PTPN14: variants seen among roughly 807,000 people sequenced by gnomAD.
PTPN14 encodes tyrosine-protein phosphatase non-receptor type 14.
In PTPN14, 53 loss-of-function variants were observed where a neutral mutation model predicts 126.8. The ratio of observed to expected loss-of-function variants is 0.42; its 90% CI spans 0.34 to 0.53. The LOEUF (loss-of-function observed/expected upper bound fraction) is 0.53. Ranked by LOEUF, PTPN14 falls within the 20% of genes least tolerant of loss-of-function variation. The pLI, the probability that PTPN14 is intolerant of heterozygous loss-of-function variation, is 0.08. For synonymous variants in PTPN14, 630 were observed against 599.3 expected, an observed-to-expected ratio of 1.05 and a Z score of -0.75; for missense variants, 1,257 against 1,552.9, an observed-to-expected ratio of 0.81 and a Z score of 3.20.
intron 2 of PTPN14, among the ~76,000 whole-genome samples, chr1:214,463,706 G>C (rs1660564125): frequency 6.6e-6 from 1 of 152,144 alleles, no homozygotes; most frequent in African/African-American, 2.4e-5. Flanking sequence ...GAGGTCCTGG[G>C]CAATGCTGTC....
intron 3 of PTPN14, among the ~76,000 whole-genome samples, chr1:214,439,568 C>T (rs1659992759): frequency 6.6e-6 from 1 of 152,192 alleles, no homozygotes; most frequent in South Asian, 2.1e-4. Flanking sequence ...TACTCACTCT[C>T]CCCAGCTGCA....
At chr1:214,457,646 G>A (rs1413819230) in intron 2 of PTPN14, among the ~76,000 whole-genome samples, 6 of 152,180 alleles carry the variant, frequency 3.9e-5, no homozygotes, top group East Asian at 3.8e-4. Flanking sequence ...GAAATCAAAT[G>A]TGAGTTACAT....
At chr1:214,436,902 T>C (rs568001813) in intron 3 of PTPN14, among the ~76,000 whole-genome samples, 1 of 152,022 alleles carries the variant, frequency 6.6e-6, no homozygotes, top group South Asian at 2.1e-4. Context: ...GGTGTGCTTG[T>C]ATGCATGCAA....
In PTPN14 at chr1:214,378,112, AG is replaced by A. The variant is rs1658387499; in HGVS notation, c.2545-11del. Reference sequence around the variant, plus strand: ...TCTGCTTCTCTAGATTCTTGCGGCAAGAAAAGGCATGTGCTCATTGTTTATA... The same window carrying A: ...TCTGCTTCTCTAGATTCTTGCGGCAAAAAAGGCATGTGCTCATTGTTTATA... On this transcript the variant is annotated splice_polypyrimidine_tract_variant and intron_variant, in intron 13 of 18. Transcript: ENST00000366956. 6.2e-7 allele frequency: 1 copy of A among 1,606,224 alleles called. No homozygotes were observed. Among genetic ancestry groups the A allele is most frequent in the Non-Finnish European group, 8.5e-7 (1 of 1,178,104 alleles).
chr1:214,444,916 C>A (rs771122947), intron 3 of PTPN14, among the ~76,000 whole-genome samples: 1 of 152,164 alleles, frequency 6.6e-6, no homozygotes, highest in African/African-American at 2.4e-5. Flanking sequence ...TCACTTCACA[C>A]GCTGAAATGC....
chr1:214,427,482 A>G (rs890678385), intron 3 of PTPN14, among the ~76,000 whole-genome samples: 1 of 152,174 alleles, frequency 6.6e-6, no homozygotes, highest in African/African-American at 2.4e-5. Flanking sequence ...TACTGGTAAA[A>G]TATCAGAAGT....
At chr1:214,403,537 AC>A (rs879777817) in intron 5 of PTPN14, among the ~76,000 whole-genome samples, 2 of 152,196 alleles carry the variant, frequency 1.3e-5, no homozygotes, top group African/African-American at 4.8e-5. Flanking sequence ...CAGCATCTCT[AC>A]CAGCTGAACC....
chr1:214,538,856 T>C (rs1440089513), intron 1 of PTPN14, among the ~76,000 whole-genome samples: 2 of 152,200 alleles, frequency 1.3e-5, no homozygotes, highest in African/African-American at 2.4e-5. Flanking sequence ...TGGATATATC[T>C]GAATTTTTCT....
intron 3 of PTPN14, among the ~76,000 whole-genome samples, chr1:214,426,032 C>CAAAAA (rs66656875): frequency 1.2e-4 from 4 of 33,846 alleles, no homozygotes; most frequent in East Asian, 1.5e-3. Context: ...GCATAAATCG[C>CAAAAA]AAAAAAAAAA....
At chr1:214,372,862 G>A (rs746097922) in intron 15 of PTPN14, 23 bp from the exon 16 acceptor site, 29 of 1,612,870 alleles carry the variant, frequency 1.8e-5, no homozygotes, top group Non-Finnish European at 2.3e-5. Context: ...AAAAGTATCG[G>A]TAAATAAACC....
intron 1 of PTPN14, among the ~76,000 whole-genome samples, chr1:214,500,623 G>C (rs1654660744): frequency 6.6e-6 from 1 of 152,024 alleles, no homozygotes; most frequent in Non-Finnish European, 1.5e-5. Flanking sequence ...ACCACTGAGG[G>C]ACAGACAGAA....
intron 3 of PTPN14, among the ~76,000 whole-genome samples, chr1:214,428,461 C>T (rs1259130637): frequency 3.3e-5 from 5 of 152,204 alleles, no homozygotes; most frequent in Non-Finnish European, 7.3e-5. Context: ...GTCAGTCAAA[C>T]ATTTTATCTA....
At chr1:214,453,033 G>A (rs1269220527) in intron 2 of PTPN14, among the ~76,000 whole-genome samples, 2 of 152,120 alleles carry the variant, frequency 1.3e-5, no homozygotes, top group Non-Finnish European at 2.9e-5. Context: ...CTATGACTCT[G>A]ACTTTACTAG....
chr1:214,384,520 A>G lies in PTPN14; in HGVS notation c.1335T>C (p.Tyr445=). Reference sequence around the variant, plus strand: ...TCTTCATCTGGCGCATGACTGTCTCATAATCGGGGGTTGGCCTGTACGAGG... The same window carrying G: ...TCTTCATCTGGCGCATGACTGTCTCGTAATCGGGGGTTGGCCTGTACGAGG... ...IVPSYRPTPD[Y]ETVMRQMKRG... is the part of the protein sequence containing the mutation. Residue 445 remains tyrosine (Y), a synonymous_variant, in exon 13 of 19, where the codon TAT becomes TAC. Transcript: ENST00000366956. This position sits in a 1 kb window ranked among gnomAD's most constrained non-coding sequence, Gnocchi z 5.3. 6.2e-7 allele frequency: 1 copy of G among 1,614,120 alleles called. No individual in the cohort carries two copies. The highest frequency in any genetic ancestry group is 8.5e-7 in the Non-Finnish European group (1 of 1,180,030).
intron 4 of PTPN14, among the ~76,000 whole-genome samples, 172 bp downstream of exon 4, chr1:214,414,457 C>G (rs565651771): frequency 6.6e-6 from 1 of 152,182 alleles, no homozygotes; most frequent in Non-Finnish European, 1.5e-5. Flanking sequence ...ATCTACCACC[C>G]AGCCACCAAA....
intron 10 of PTPN14, among the ~76,000 whole-genome samples, chr1:214,392,469 A>G (rs1486885728): frequency 1.3e-5 from 2 of 152,198 alleles, no homozygotes; most frequent in Admixed American, 6.5e-5. Flanking sequence ...AGACAAGAGT[A>G]AAATCCAGTT....
chr1:214,475,465 C>G (rs182550919), intron 1 of PTPN14, among the ~76,000 whole-genome samples: 1 of 152,178 alleles, frequency 6.6e-6, no homozygotes, highest in Non-Finnish European at 1.5e-5. Context: ...AGAAGAATAC[C>G]TGACTCTGGT....
intron 3 of PTPN14, among the ~76,000 whole-genome samples, chr1:214,428,957 G>A (rs1197914775): frequency 6.6e-6 from 1 of 152,202 alleles, no homozygotes; most frequent in Non-Finnish European, 1.5e-5. Flanking sequence ...ACTAAGCCAT[G>A]CATTTCTGCC....
At chr1:214,398,613 ATTTTTT>A (rs56339386) in intron 7 of PTPN14, among the ~76,000 whole-genome samples, 8,139 of 108,902 alleles carry the variant, frequency 0.075, 523 homozygotes, top group African/African-American at 0.2. Flanking sequence ...TGCCCTGCTA[ATTTTTT>A]TTTTTTTTTT....
Sources: allele counts gnomAD v4.1 joint callset (sites outside exome capture counted in the v4.1 genomes callset), GRCh38; gene constraint gnomAD v4.1.1; non-coding constraint Gnocchi (gnomAD v3.1); transcripts MANE v1.5; gene names NCBI Gene and HGNC (gene_info 2026-07-23, HGNC 2026-07-21).